The following ARHGAP10 variants were observed in gnomAD, a reference collection of about 807,000 sequenced individuals.
ARHGAP10 encodes the protein rho GTPase-activating protein 10.
ARHGAP10 carries 87 observed loss-of-function variants against 108.6 expected under a neutral mutation model. That is an observed-to-expected ratio of 0.80 (90% confidence interval 0.67 to 0.96). The LOEUF is 0.96. ARHGAP10 is among the 40% of genes least tolerant of loss of function. The pLI, the probability that ARHGAP10 is intolerant of heterozygous loss-of-function variation, is 0.00. For missense variants in ARHGAP10, 939 were observed against 954.5 expected (o/e 0.98, Z 0.21); for synonymous variants, 347 against 341.1 (o/e 1.02, Z -0.19).
chr4:147,737,394 A>T (rs1408596884), intron 1 of ARHGAP10, among the ~76,000 whole-genome samples: 1 of 146,176 alleles, frequency 6.8e-6, no homozygotes, highest in Non-Finnish European at 1.5e-5. Flanking sequence ...GCCTCATGTG[A>T]TCCGTCCACC....
intron 20 of ARHGAP10, among the ~76,000 whole-genome samples, chr4:148,052,113 C>G (rs960279013): frequency 6.6e-6 from 1 of 152,068 alleles, no homozygotes; most frequent in East Asian, 1.9e-4. Flanking sequence ...GAAAAATAAT[C>G]ATTTTAGATC....
chr4:148,071,897 T>G, intron 22 of ARHGAP10, 96 bp from the exon 23 acceptor site: 1 of 1,004,008 alleles, frequency 1.0e-6, no homozygotes, highest in Admixed American at 2.2e-5. Flanking sequence ...GCCCCTGTTC[T>G]CTACTGGCCA....
intron 17 of ARHGAP10, among the ~76,000 whole-genome samples, chr4:147,966,238 C>G (rs1271575546): frequency 6.6e-6 from 1 of 152,230 alleles, no homozygotes; most frequent in African/African-American, 2.4e-5. Flanking sequence ...TTAGCACATA[C>G]AGTTGGCTCT....
At chr4:148,059,973 TGAGAGAGAGAGA>T (rs145893430) in intron 20 of ARHGAP10, among the ~76,000 whole-genome samples, 1 of 146,074 alleles carries the variant, frequency 6.8e-6, no homozygotes, top group Non-Finnish European at 1.5e-5. Context: ...GCCCACTCTT[TGAGAGAGAGAGA>T]GAGAGAGAGG....
At position 147,864,687 on chromosome 4, in the gene ARHGAP10, A is replaced by G. The variant is rs543221961; in HGVS notation, c.487-159A>G. 3.0e-4 allele frequency: 178 copies of G among 584,622 alleles called. 1 individual carries two copies. The highest frequency in any genetic ancestry group is 2.1e-3 in the African/African-American group (111 of 52,416). 36.2% of individuals were successfully genotyped at this position (584,622 alleles called of 1,614,324 possible). On this transcript the variant is annotated intron_variant, in intron 5 of 22. Coordinates refer to ENST00000336498, the MANE Select transcript of ARHGAP10 (RefSeq NM_024605.4). ...TGCAGCAGGAAAGTAGCTGCAGACAATACATAAATGAATTGTCGTACCTGT... is the reference window on the plus strand; with the variant it reads ...TGCAGCAGGAAAGTAGCTGCAGACAGTACATAAATGAATTGTCGTACCTGT...
At chr4:147,883,091 C>T (rs1470126549) in intron 10 of ARHGAP10, among the ~76,000 whole-genome samples, 1 of 152,132 alleles carries the variant, frequency 6.6e-6, no homozygotes, top group Admixed American at 6.5e-5. Flanking sequence ...ATTAGTGGTT[C>T]ACTTTGTAAT....
At chr4:147,847,372 A>G (rs1277863425) in intron 4 of ARHGAP10, 150 bp downstream of exon 4, 3 of 742,406 alleles carry the variant, frequency 4.0e-6, no homozygotes, top group Non-Finnish European at 6.5e-6. Context: ...TTTGGGGGAT[A>G]TGGAATTGGA....
chr4:147,940,299 A>T (rs2126962222), intron 14 of ARHGAP10, among the ~76,000 whole-genome samples: 1 of 152,280 alleles, frequency 6.6e-6, no homozygotes, highest in East Asian at 1.9e-4. Context: ...ATTTGACAGC[A>T]AGGGTCTGAT....
chr4:147,859,001 C>CA (rs1560794558), intron 5 of ARHGAP10, among the ~76,000 whole-genome samples: 1 of 152,132 alleles, frequency 6.6e-6, no homozygotes, highest in African/African-American at 2.4e-5. Flanking sequence ...CGCTCTTCTC[C>CA]AAACCCTCCT....
At chr4:147,811,607 AAAC>A (rs968313281) in intron 1 of ARHGAP10, among the ~76,000 whole-genome samples, 1 of 152,116 alleles carries the variant, frequency 6.6e-6, no homozygotes, top group African/African-American at 2.4e-5. Context: ...AAAAAACAAA[AAAC>A]AAAACACTGG....
At position 147,844,843 on chromosome 4, in the gene ARHGAP10, C is replaced by T. The variant is rs78804150; in HGVS notation, c.313-2308C>T. ...GAGTCTGTCTTCCGGTTTTCTGTAC[C>T]TTTCATCTCTCCCTCAGCAGCCAGA... is the stretch of plus-strand genomic sequence containing the variant. On this transcript the variant is annotated intron_variant, in intron 3 of 22. Transcript: ENST00000336498. 6.0e-3 allele frequency among the ~76,000 whole-genome samples: 915 copies of T among 152,262 alleles called. 9 individuals carry two copies. The highest frequency in any genetic ancestry group is 0.021 in the African/African-American group (860 of 41,552).
intron 18 of ARHGAP10, among the ~76,000 whole-genome samples, chr4:147,970,174 A>G (rs751527566): frequency 7.2e-5 from 11 of 152,118 alleles, no homozygotes; most frequent in Non-Finnish European, 8.8e-5. Flanking sequence ...GAGGAAGAAT[A>G]TTTTTGCTGA....
chr4:147,744,795 G>A (rs1161718356), intron 1 of ARHGAP10, among the ~76,000 whole-genome samples: 1 of 152,014 alleles, frequency 6.6e-6, no homozygotes, highest in African/African-American at 2.4e-5. Flanking sequence ...CAGGAGACAT[G>A]TTCAATAGTG....
chr4:147,758,862 C>A (rs1021699040), intron 1 of ARHGAP10, among the ~76,000 whole-genome samples: 4 of 151,406 alleles, frequency 2.6e-5, no homozygotes, highest in East Asian at 1.9e-4. Context: ...GCCTGTAGTC[C>A]CAGCTACTTG....
intron 1 of ARHGAP10, among the ~76,000 whole-genome samples, chr4:147,787,794 CAG>C (rs1211566770): frequency 6.6e-6 from 1 of 152,060 alleles, no homozygotes; most frequent in Non-Finnish European, 1.5e-5. Flanking sequence ...GGAGTAGTAA[CAG>C]AACCTCATCT....
chr4:147,797,070 C>T (rs143974654), intron 1 of ARHGAP10, among the ~76,000 whole-genome samples: 56 of 152,184 alleles, frequency 3.7e-4, no homozygotes, highest in South Asian at 1.5e-3. Flanking sequence ...TTGAAGCATC[C>T]GGCCTGGAGC....
At chr4:148,030,263 C>T (rs1021230094) in intron 19 of ARHGAP10, among the ~76,000 whole-genome samples, 9 of 152,202 alleles carry the variant, frequency 5.9e-5, no homozygotes, top group African/African-American at 2.2e-4. Flanking sequence ...TTTTTCTCCA[C>T]TTCTAATAGC....
At chr4:147,802,875 A>C (rs1731637472) in intron 1 of ARHGAP10, among the ~76,000 whole-genome samples, 1 of 152,220 alleles carries the variant, frequency 6.6e-6, no homozygotes, top group South Asian at 2.1e-4. Flanking sequence ...GTGGTCCTCC[A>C]AATGAAACAT....
At chr4:147,748,089 T>G (rs1729009003) in intron 1 of ARHGAP10, among the ~76,000 whole-genome samples, 1 of 152,182 alleles carries the variant, frequency 6.6e-6, no homozygotes, top group African/African-American at 2.4e-5. Flanking sequence ...AAACTCTGCC[T>G]TAGAAATAGG....
Sources: allele counts gnomAD v4.1 joint callset (sites outside exome capture counted in the v4.1 genomes callset), GRCh38; gene constraint gnomAD v4.1.1; transcripts MANE v1.5; gene names NCBI Gene and HGNC (gene_info 2026-07-23, HGNC 2026-07-21).